PITPNC1: variants seen among roughly 807,000 people sequenced by gnomAD.
The protein encoded by PITPNC1 is phosphatidylinositol transfer protein cytoplasmic 1, also known as cytoplasmic phosphatidylinositol transfer protein 1.
PITPNC1 carries 18 observed loss-of-function variants against 44.7 expected under a neutral mutation model. The ratio of observed to expected loss-of-function variants is 0.40; its 90% CI spans 0.28 to 0.60. The LOEUF (loss-of-function observed/expected upper bound fraction) is 0.60. Ranked by LOEUF, PITPNC1 falls within the 20% of genes least tolerant of loss-of-function variation. The pLI, the probability that PITPNC1 is intolerant of heterozygous loss-of-function variation, is 0.39. For missense variants in PITPNC1, 290 were observed against 418.4 expected (o/e 0.69, Z 2.68); for synonymous variants, 141 against 149.6 (o/e 0.94, Z 0.42).
At chr17:67,567,956 A>G (rs1237864410) in intron 4 of PITPNC1, among the ~76,000 whole-genome samples, 1 of 152,176 alleles carries the variant, frequency 6.6e-6, no homozygotes, top group Non-Finnish European at 1.5e-5. Flanking sequence ...TGGGCAACAG[A>G]GTGAGACTCC....
intron 1 of PITPNC1, among the ~76,000 whole-genome samples, chr17:67,512,216 G>A (rs887708678): frequency 3.3e-5 from 5 of 152,056 alleles, no homozygotes; most frequent in African/African-American, 1.2e-4. Context: ...CCGGATTTGG[G>A]GGCCGGGTGC....
chr17:67,409,129 C>T (rs2038452198), intron 1 of PITPNC1, among the ~76,000 whole-genome samples: 1 of 137,338 alleles, frequency 7.3e-6, no homozygotes, highest in South Asian at 2.3e-4. Flanking sequence ...CCAGGCCGGA[C>T]TGCGGACTGC....
chr17:67,520,617 G>T (rs1291101084), intron 1 of PITPNC1, among the ~76,000 whole-genome samples: 57 of 152,054 alleles, frequency 3.7e-4, no homozygotes, highest in Admixed American at 3.6e-3. Context: ...GCATCTACAG[G>T]GCTTGGCATA....
chr17:67,411,585 G>C (rs1350576635), intron 1 of PITPNC1, among the ~76,000 whole-genome samples: 3 of 152,014 alleles, frequency 2.0e-5, no homozygotes, highest in Non-Finnish European at 4.4e-5. Flanking sequence ...CCAGGCCTAG[G>C]GGAACCTGTG....
At chr17:67,586,360 A>G (rs2041316294) in intron 5 of PITPNC1, among the ~76,000 whole-genome samples, 1 of 150,870 alleles carries the variant, frequency 6.6e-6, no homozygotes. Context: ...AAGCGGGCAG[A>G]TTACCTGAGG....
intron 1 of PITPNC1, among the ~76,000 whole-genome samples, chr17:67,503,180 C>A (rs1049567317): frequency 1.7e-4 from 26 of 151,944 alleles, no homozygotes; most frequent in African/African-American, 5.6e-4. Flanking sequence ...ACCAAAAACT[C>A]AAAATAAAAG....
rs899476512 is a variant in PITPNC1 at position 67,694,897 on chromosome 17, T to G, written c.*2009T>G. The G allele has an allele frequency of 6.6e-5, 10 of 152,236 alleles. No homozygotes were observed. The highest frequency in any genetic ancestry group is 6.5e-5 in the Admixed American group (1 of 15,286). 9.4% of individuals were successfully genotyped at this position (152,236 alleles called of 1,614,324 possible). ...ACACTGAAATAGTATATGTATTTGC[T>G]TACCATTTGCAAGCTAAAATCAAGG... is the stretch of plus-strand genomic sequence containing the variant. On this transcript the variant is annotated 3_prime_UTR_variant, in exon 9 of 9. Transcript: ENST00000581322.
At chr17:67,453,158 A>G (rs889782513) in intron 1 of PITPNC1, among the ~76,000 whole-genome samples, 1 of 152,154 alleles carries the variant, frequency 6.6e-6, no homozygotes, top group Non-Finnish European at 1.5e-5. Context: ...TTGTTGAGTG[A>G]ATGAGCAAAC....
chr17:67,466,848 A>G (rs2039434969), intron 1 of PITPNC1, among the ~76,000 whole-genome samples: 1 of 152,122 alleles, frequency 6.6e-6, no homozygotes, highest in South Asian at 2.1e-4. Context: ...CTGTTGGAAT[A>G]CCTCAGTAGT....
At chr17:67,587,554 G>A (rs2041336443) in intron 5 of PITPNC1, among the ~76,000 whole-genome samples, 1 of 152,088 alleles carries the variant, frequency 6.6e-6, no homozygotes, top group African/African-American at 2.4e-5. Flanking sequence ...GAGGGATGTG[G>A]GTCATGATTT....
At chr17:67,519,562 G>C (rs543162261) in intron 1 of PITPNC1, among the ~76,000 whole-genome samples, 1 of 152,220 alleles carries the variant, frequency 6.6e-6, no homozygotes, top group African/African-American at 2.4e-5. Context: ...GACCTCAGGA[G>C]AGCAGGAGTT....
chr17:67,577,628 AT>A (rs895317152), intron 4 of PITPNC1, among the ~76,000 whole-genome samples: 19 of 150,734 alleles, frequency 1.3e-4, no homozygotes, highest in East Asian at 5.8e-4. Flanking sequence ...AAATTTAAAA[AT>A]TTTTTTTATT....
At chr17:67,409,071 CTTTTTTTTTTTT>C (rs1159310735) in intron 1 of PITPNC1, among the ~76,000 whole-genome samples, 4 of 80,512 alleles carry the variant, frequency 5.0e-5, no homozygotes, top group Admixed American at 1.6e-4. Flanking sequence ...CAAATTCATT[CTTTTTTTTTTTT>C]TTTTTTTTTT....
Position 67,410,161 on chromosome 17 carries a change from G to A in PITPNC1, c.48+31959G>A, listed in dbSNP as rs531426076. On this transcript the variant is annotated intron_variant, in intron 1 of 8. Coordinates refer to ENST00000581322, the MANE Select transcript of PITPNC1 (RefSeq NM_012417.4). ...CATTGAAAAAAGTCATTACTAAAAA[G>A]AAACAAGTGGTATTTGCAAGTGAAA... Among the ~76,000 whole-genome samples the A allele has an allele frequency of 1.5e-3, 231 of 152,298 alleles. 1 individual carries two copies. The highest frequency in any genetic ancestry group is 1.7e-3 in the Non-Finnish European group (116 of 68,010).
At chr17:67,394,901 A>G (rs1344493386) in intron 1 of PITPNC1, among the ~76,000 whole-genome samples, 1 of 151,848 alleles carries the variant, frequency 6.6e-6, no homozygotes, top group Non-Finnish European at 1.5e-5. Context: ...TCTCGAGGAA[A>G]AAAAAAAAAG....
intron 6 of PITPNC1, among the ~76,000 whole-genome samples, chr17:67,645,061 C>A (rs1050268133): frequency 1.3e-5 from 2 of 152,116 alleles, no homozygotes; most frequent in Non-Finnish European, 2.9e-5. Context: ...TTCGTTTTGG[C>A]CAGGCGCGGT....
chr17:67,397,200 C>G (rs998125299), intron 1 of PITPNC1, among the ~76,000 whole-genome samples: 2 of 151,538 alleles, frequency 1.3e-5, no homozygotes, highest in Non-Finnish European at 2.9e-5. Context: ...AGGCTGGTCT[C>G]GAACTCCTGA....
chr17:67,378,992 T>C, intron 1 of PITPNC1: 1 of 985,326 alleles, frequency 1.0e-6, no homozygotes, highest in Non-Finnish European at 1.2e-6. Flanking sequence ...TCTGCTGTCC[T>C]TCTCCCGATC....
chr17:67,410,517 G>A (rs1305199682), intron 1 of PITPNC1, among the ~76,000 whole-genome samples: 4 of 151,996 alleles, frequency 2.6e-5, no homozygotes, highest in Non-Finnish European at 5.9e-5. Context: ...CTGAGTAGCT[G>A]GGACCACGGG....
Sources: allele counts gnomAD v4.1 joint callset (sites outside exome capture counted in the v4.1 genomes callset), GRCh38; gene constraint gnomAD v4.1.1; transcripts MANE v1.5; gene names NCBI Gene and HGNC (gene_info 2026-07-23, HGNC 2026-07-21).